CADPS: variants seen among roughly 807,000 people sequenced by gnomAD.
The protein encoded by CADPS is calcium-dependent secretion activator 1.
Under a neutral mutation model 167.3 loss-of-function variants are expected in CADPS, and 57 were observed. The observed-to-expected ratio is 0.34, with a 90% CI of 0.28 to 0.42. The LOEUF (loss-of-function observed/expected upper bound fraction) is 0.42, where lower values mean the gene tolerates loss of function less well. Among genes scored for constraint, CADPS ranks in the 20% least tolerant of loss-of-function variants. The pLI is 1.00. For missense variants in CADPS, 1,414 were observed against 1,738.1 expected (o/e 0.81, Z 3.32); for synonymous variants, 676 against 635.3 (o/e 1.06, Z -0.96).
At chr3:62,568,907 A>G (rs1468745400) in intron 9 of CADPS, among the ~76,000 whole-genome samples, 1 of 152,132 alleles carries the variant, frequency 6.6e-6, no homozygotes, top group Non-Finnish European at 1.5e-5. Flanking sequence ...GCTTGAGTCT[A>G]CTTCTGCTGT....
At chr3:62,870,838 C>T (rs1312033671) in intron 1 of CADPS, among the ~76,000 whole-genome samples, 1 of 152,130 alleles carries the variant, frequency 6.6e-6, no homozygotes, top group East Asian at 1.9e-4. Context: ...AAGGTAGCCA[C>T]CCATCACCGT....
At chr3:62,674,840 G>A (rs1326684342) in intron 3 of CADPS, among the ~76,000 whole-genome samples, 1 of 152,084 alleles carries the variant, frequency 6.6e-6, no homozygotes, top group African/African-American at 2.4e-5. Context: ...TCAAGAAGTT[G>A]GAAGTAGATT....
At position 62,544,311 on chromosome 3, in the gene CADPS, T is replaced by C. The variant is rs1435724138; in HGVS notation, c.1966+5592A>G. 1.3e-5 allele frequency among the ~76,000 whole-genome samples: 2 copies of C among 152,150 alleles called. No individual in the cohort carries two copies. Among genetic ancestry groups the C allele is most frequent in the Non-Finnish European group, 1.5e-5 (1 of 68,012 alleles). On this transcript the variant is annotated intron_variant, in intron 11 of 29. Transcript: ENST00000383710. This position sits in a 1 kb window ranked among gnomAD's most constrained non-coding sequence, Gnocchi z 4.4. The stretch of plus-strand genomic sequence containing the variant: ...CTTAATTGTATTTTGCAATTTCTTC[T>C]AGTCTTGCTCAGTTAACAACTCTGG...
At chr3:62,699,014 A>G (rs944859473) in intron 3 of CADPS, among the ~76,000 whole-genome samples, 1 of 151,948 alleles carries the variant, frequency 6.6e-6, no homozygotes, top group African/African-American at 2.4e-5. Flanking sequence ...GTTTGGTTAC[A>G]TGAATAACAA....
At chr3:62,550,283 C>G (rs568278277) in intron 10 of CADPS, among the ~76,000 whole-genome samples, 168 bp from the exon 11 acceptor site, 119 of 152,134 alleles carry the variant, frequency 7.8e-4, no homozygotes, top group African/African-American at 2.8e-3. Context: ...AGAGTGGGAC[C>G]GTGATGTTGA....
chr3:62,519,698 T>C (rs73842448), intron 13 of CADPS, among the ~76,000 whole-genome samples: 4,985 of 152,228 alleles, frequency 0.033, 129 homozygotes, highest in Middle Eastern at 0.089. Flanking sequence ...TAGCTCACTG[T>C]GGCCTTGAAC....
intron 4 of CADPS, among the ~76,000 whole-genome samples, chr3:62,653,896 C>T (rs534798880): frequency 4.6e-5 from 7 of 152,096 alleles, no homozygotes; most frequent in Non-Finnish European, 1.0e-4. Flanking sequence ...GCTTTTAAGA[C>T]TGGGCTAAGC....
At chr3:62,679,747 GTTATGAGCT>G (rs2076862990) in intron 3 of CADPS, among the ~76,000 whole-genome samples, 1 of 152,004 alleles carries the variant, frequency 6.6e-6, no homozygotes, top group Non-Finnish European at 1.5e-5. Context: ...AGGCAGGGAG[GTTATGAGCT>G]TTAAGTTGGA....
At chr3:62,808,116 G>T (rs1447518576) in intron 1 of CADPS, among the ~76,000 whole-genome samples, 2 of 144,854 alleles carry the variant, frequency 1.4e-5, no homozygotes, top group African/African-American at 4.9e-5. Context: ...CTCATGATCC[G>T]CCAGCCTCAG....
At chr3:62,513,756 G>A in intron 16 of CADPS, 1 of 1,214,274 alleles carries the variant, frequency 8.2e-7, no homozygotes, top group Non-Finnish European at 1.2e-6. Context: ...GAGGTAAAGA[G>A]GTTAAAGGTC....
At chr3:62,479,324 T>G (rs1043073969) in intron 22 of CADPS, among the ~76,000 whole-genome samples, 1 of 152,218 alleles carries the variant, frequency 6.6e-6, no homozygotes, top group Non-Finnish European at 1.5e-5. Flanking sequence ...CTGTCTTTTT[T>G]GTAACAATCC....
At position 62,590,832 on chromosome 3, in the gene CADPS, A is replaced by C. The variant is rs192962867; in HGVS notation, c.1437+1805T>G. ...TTACACATTAAACCAGAATGAAATA[A>C]AATTTATATTTATTTATTTATTTTA... On this transcript the variant is annotated intron_variant, in intron 7 of 29. Coordinates refer to ENST00000383710, the MANE Select transcript of CADPS (RefSeq NM_003716.4). Among the ~76,000 whole-genome samples the C allele has an allele frequency of 3.8e-4, 58 of 151,954 alleles. No homozygotes were observed. The East Asian group carries it at 5.2e-3, about 14-fold the overall frequency.
intron 3 of CADPS, among the ~76,000 whole-genome samples, chr3:62,723,617 T>A (rs935488051): frequency 6.6e-6 from 1 of 152,208 alleles, no homozygotes; most frequent in African/African-American, 2.4e-5. Context: ...AGGGGAAATA[T>A]ATCCCTCTAA....
chr3:62,571,565 T>C (rs2081291219), intron 8 of CADPS, among the ~76,000 whole-genome samples: 1 of 151,824 alleles, frequency 6.6e-6, no homozygotes, highest in Admixed American at 6.6e-5. Context: ...AGATAAATAT[T>C]ACTTTTTTTT....
intron 1 of CADPS, among the ~76,000 whole-genome samples, chr3:62,854,414 T>C (rs2079243897): frequency 6.6e-6 from 1 of 150,634 alleles, no homozygotes; most frequent in African/African-American, 2.5e-5. Context: ...AAGAGTGTAA[T>C]TTTAAGCTTC....
chr3:62,793,957 G>A (rs2093174620), intron 1 of CADPS, among the ~76,000 whole-genome samples: 1 of 152,096 alleles, frequency 6.6e-6, no homozygotes, highest in African/African-American at 2.4e-5. Flanking sequence ...AAGAAGTCCA[G>A]GCAAAACTAA....
chr3:62,695,294 T>C (rs1466945408), intron 3 of CADPS, among the ~76,000 whole-genome samples: 1 of 152,060 alleles, frequency 6.6e-6, no homozygotes, highest in African/African-American at 2.4e-5. Flanking sequence ...AATTCAAATA[T>C]GCATATGAAG....
At position 62,719,066 on chromosome 3, in the gene CADPS, G is replaced by GCA. The variant is rs1307055032; in HGVS notation, c.888+34374_888+34375insTG. On this transcript the variant is annotated intron_variant, in intron 3 of 29. Coordinates refer to ENST00000383710, the MANE Select transcript of CADPS (RefSeq NM_003716.4). ...CAGAGGTCCTGGTGATGCCGTCTGGGTTTATATATCAATCCCTTAAATGAG... is the reference window on the plus strand; with the variant it reads ...CAGAGGTCCTGGTGATGCCGTCTGGGCATTTATATATCAATCCCTTAAATGAG... Among the ~76,000 whole-genome samples, 5 of 152,330 alleles carry GCA rather than the reference G, an allele frequency of 3.3e-5. No homozygotes were observed. The East Asian group carries it at 9.7e-4, about 29-fold the overall frequency.
At chr3:62,779,692 G>T in intron 1 of CADPS, 1 of 489,376 alleles carries the variant, frequency 2.0e-6, no homozygotes, top group South Asian at 1.6e-5. Flanking sequence ...GCCCCATTCT[G>T]ATCAATAACA....
Sources: allele counts gnomAD v4.1 joint callset (sites outside exome capture counted in the v4.1 genomes callset), GRCh38; gene constraint gnomAD v4.1.1; non-coding constraint Gnocchi (gnomAD v3.1); transcripts MANE v1.5; gene names NCBI Gene and HGNC (gene_info 2026-07-23, HGNC 2026-07-21).